The following DGKB variants were observed in gnomAD, a reference collection of about 807,000 sequenced individuals.
The protein encoded by DGKB is diacylglycerol kinase beta, also known as 90 kDa diacylglycerol kinase.
In DGKB, 67 loss-of-function variants were observed where a neutral mutation model predicts 114.3. The ratio of observed to expected loss-of-function variants is 0.59; its 90% CI spans 0.48 to 0.72. The LOEUF (loss-of-function observed/expected upper bound fraction) is 0.72. Among genes scored for constraint, DGKB ranks in the 30% least tolerant of loss-of-function variants. DGKB has a pLI of 0.00. For missense variants in DGKB, 907 were observed against 975.2 expected, an observed-to-expected ratio of 0.93 and a Z score of 0.93; for synonymous variants, 398 against 323.1, an observed-to-expected ratio of 1.23 and a Z score of -2.49.
chr7:14,477,083 A>T (rs1782299213), intron 21 of DGKB, among the ~76,000 whole-genome samples: 1 of 152,178 alleles, frequency 6.6e-6, no homozygotes, highest in Non-Finnish European at 1.5e-5. Context: ...AATTTAAGGA[A>T]AAATTAGATA....
At chr7:14,259,395 CTCTCTCTCTCTCTA>C (rs1231049451) in intron 23 of DGKB, among the ~76,000 whole-genome samples, 5 of 97,048 alleles carry the variant, frequency 5.2e-5, no homozygotes, top group East Asian at 2.2e-4. Flanking sequence ...CTCTCTCTCT[CTCTCTCTCTCTCTA>C]TATATATATA....
chr7:14,700,827 C>T (rs1432716458), intron 7 of DGKB, among the ~76,000 whole-genome samples: 1 of 152,074 alleles, frequency 6.6e-6, no homozygotes, highest in Non-Finnish European at 1.5e-5. Context: ...ATATTAAATA[C>T]ATTAAAAATG....
chr7:14,843,379 C>T lies in DGKB; in HGVS notation c.-187-1929G>A, dbSNP rs562225697. Among the ~76,000 whole-genome samples, 6 of 118,468 alleles carry T rather than the reference C, an allele frequency of 5.1e-5. No homozygotes were observed. The South Asian group carries it at 1.4e-3, about 27-fold the overall frequency. The allele number at this position is 118,468 out of a possible 152,430, so 77.7% of individuals were successfully genotyped here. On this transcript the variant is annotated intron_variant, in intron 1 of 25. Coordinates refer to ENST00000402815, the MANE Select transcript of DGKB (RefSeq NM_001350709.2). ...GTCTCGCTCTGTCGCCCAGGCCGGA[C>T]TGCGGACTGCAGTGGCGCAATCTCG...
chr7:14,419,753 G>T (rs1330496719), intron 21 of DGKB, among the ~76,000 whole-genome samples: 1 of 151,960 alleles, frequency 6.6e-6, no homozygotes, highest in Admixed American at 6.6e-5. Context: ...GCTCTGAATG[G>T]CCTTTACAAT....
At chr7:14,351,307 G>C (rs1813382743) in intron 21 of DGKB, among the ~76,000 whole-genome samples, 1 of 152,214 alleles carries the variant, frequency 6.6e-6, no homozygotes, top group Non-Finnish European at 1.5e-5. Flanking sequence ...AAGGGCCCTG[G>C]TGGGACCTGA....
chr7:14,702,435 C>T (rs1825360038), intron 6 of DGKB, among the ~76,000 whole-genome samples: 1 of 152,112 alleles, frequency 6.6e-6, no homozygotes, highest in Non-Finnish European at 1.5e-5. Context: ...GGTGGAGCTT[C>T]AGAGGGTAAC....
intron 23 of DGKB, among the ~76,000 whole-genome samples, chr7:14,308,571 GA>G (rs1804857028): frequency 1.3e-5 from 2 of 152,142 alleles, no homozygotes; most frequent in Admixed American, 1.3e-4. Flanking sequence ...AATATTATAT[GA>G]GTGAATGGGG....
chr7:14,749,583 G>A (rs1174094519), intron 4 of DGKB, among the ~76,000 whole-genome samples: 1 of 152,116 alleles, frequency 6.6e-6, no homozygotes, highest in Non-Finnish European at 1.5e-5. Flanking sequence ...TTTTTACTAT[G>A]ATTTCAGTAT....
intron 5 of DGKB, among the ~76,000 whole-genome samples, chr7:14,729,901 T>A (rs6961059): frequency 0.04 from 6,021 of 152,296 alleles, 192 homozygotes; most frequent in Admixed American, 0.1. Context: ...AATGAATGAA[T>A]AAAATAAATT....
intron 2 of DGKB, among the ~76,000 whole-genome samples, chr7:14,802,024 C>G (rs1300719247): frequency 6.6e-6 from 1 of 151,830 alleles, no homozygotes; most frequent in African/African-American, 2.4e-5. Flanking sequence ...GAGAAACACA[C>G]AAATATATGC....
chr7:14,494,825 A>G (rs1785073724), intron 20 of DGKB, among the ~76,000 whole-genome samples: 1 of 151,896 alleles, frequency 6.6e-6, no homozygotes. Flanking sequence ...GTTTCACTCT[A>G]ACGTGAAATT....
chr7:14,356,849 A>G (rs537706851), intron 21 of DGKB, among the ~76,000 whole-genome samples: 71 of 152,162 alleles, frequency 4.7e-4, no homozygotes, highest in African/African-American at 1.6e-3. Flanking sequence ...CCTTCATTTT[A>G]TTATTTACCC....
intron 2 of DGKB, among the ~76,000 whole-genome samples, chr7:14,825,921 G>A (rs1291609497): frequency 6.6e-6 from 1 of 152,082 alleles, no homozygotes; most frequent in East Asian, 1.9e-4. Context: ...AAACACGGAG[G>A]TCCCTTGGGC....
At chr7:14,521,090 C>T (rs552644332) in intron 20 of DGKB, among the ~76,000 whole-genome samples, 2 of 151,894 alleles carry the variant, frequency 1.3e-5, no homozygotes, top group South Asian at 4.2e-4. Context: ...TGTCCTTTAC[C>T]TGTATGTAAA....
chr7:14,847,913 G>A (rs1848854420), intron 1 of DGKB, among the ~76,000 whole-genome samples: 1 of 152,186 alleles, frequency 6.6e-6, no homozygotes. Flanking sequence ...AGTTATGACT[G>A]GATCCTGGTA....
intron 21 of DGKB, among the ~76,000 whole-genome samples, chr7:14,471,857 A>T (rs1781464343): frequency 6.6e-6 from 1 of 152,158 alleles, no homozygotes; most frequent in African/African-American, 2.4e-5. Flanking sequence ...AGTACACAGT[A>T]TGTTCCACAA....
intron 20 of DGKB, among the ~76,000 whole-genome samples, chr7:14,573,493 G>T (rs980779362): frequency 6.6e-6 from 1 of 151,688 alleles, no homozygotes; most frequent in Non-Finnish European, 1.5e-5. Context: ...GTGTGTGTGT[G>T]TGTGTGTGTG....
At chr7:14,313,687 C>T (rs7787256) in intron 23 of DGKB, among the ~76,000 whole-genome samples, 1,880 of 151,910 alleles carry the variant, frequency 0.012, 40 homozygotes, top group African/African-American at 0.043. Flanking sequence ...AACTGCAAGG[C>T]GGCAGCGAGG....
At chr7:14,245,167 T>C (rs1042822473) in intron 23 of DGKB, among the ~76,000 whole-genome samples, 11 of 149,230 alleles carry the variant, frequency 7.4e-5, no homozygotes, top group African/African-American at 1.2e-4. Context: ...TATGTACACA[T>C]ACACACACAC....
Sources: gnomAD v4.1 joint callset for allele counts (sites outside exome capture counted in the v4.1 genomes callset) on GRCh38, gnomAD v4.1.1 for gene constraint, MANE v1.5 for transcripts, NCBI Gene and HGNC (gene_info 2026-07-23, HGNC 2026-07-21) for gene names.